Variants in COL5A2 observed in about 807,000 individuals in gnomAD.
The protein encoded by COL5A2 is collagen type V alpha 2 chain.
COL5A2 carries 23 observed loss-of-function variants against 208.2 expected under a neutral mutation model. That is an observed-to-expected ratio of 0.11 (90% CI 0.08 to 0.16). The LOEUF is 0.16. COL5A2 is among the 10% of genes least tolerant of loss of function. The pLI, the probability that COL5A2 is intolerant of heterozygous loss-of-function variation, is 1.00. For synonymous variants in COL5A2, 625 were observed against 628.5 expected (o/e 0.99, Z 0.08); for missense variants, 1,590 against 1,956.4 (o/e 0.81, Z 3.53).
At chr2:189,224,651 T>C (rs1430618169) in intron 1 of COL5A2, among the ~76,000 whole-genome samples, 1 of 152,012 alleles carries the variant, frequency 6.6e-6, no homozygotes, top group Admixed American at 6.6e-5. Context: ...AACATGCCAC[T>C]GCACTCCAGT....
At chr2:189,191,439 G>A (rs1391616922) in intron 1 of COL5A2, among the ~76,000 whole-genome samples, 3 of 152,030 alleles carry the variant, frequency 2.0e-5, no homozygotes, top group South Asian at 2.1e-4. Context: ...TCAGGAGTTC[G>A]CGACCAGCCT....
chr2:189,183,835 CTTG>C (rs1576578849), upstream of COL5A2, among the ~76,000 whole-genome samples: 2 of 152,272 alleles, frequency 1.3e-5, no homozygotes, highest in Admixed American at 6.5e-5. Context: ...CTGCTTTCCT[CTTG>C]TTGTTTTATC....
chr2:189,314,578 C>A, the COL5A2 span, among the ~76,000 whole-genome samples: 1 of 152,014 alleles, frequency 6.6e-6, no homozygotes, highest in East Asian at 1.9e-4. Flanking sequence ...CAAGAAATAA[C>A]CAAAAACACA....
At chr2:189,095,759 CTT>C (rs113567246) in intron 6 of COL5A2, 4 of 145,252 alleles carry the variant, frequency 2.8e-5, no homozygotes, top group Admixed American at 6.9e-5. Context: ...AATGCAAAAT[CTT>C]TTTTTTTTTT....
At chr2:189,244,232 T>C in the COL5A2 span, among the ~76,000 whole-genome samples, 2 of 152,212 alleles carry the variant, frequency 1.3e-5, no homozygotes, top group African/African-American at 4.8e-5. Flanking sequence ...GAAAATGGGA[T>C]TTTCTTTTCT....
At chr2:189,144,845 A>G (rs1422250049) in intron 1 of COL5A2, among the ~76,000 whole-genome samples, 1 of 152,124 alleles carries the variant, frequency 6.6e-6, no homozygotes, top group African/African-American at 2.4e-5. Context: ...GTGGGAACAG[A>G]TGCTTCATAT....
intron 41 of COL5A2, 133 bp from the exon 42 acceptor site, chr2:189,051,614 C>T: frequency 2.8e-6 from 2 of 713,328 alleles, no homozygotes; most frequent in Admixed American, 7.0e-5. Context: ...GATAATCAGT[C>T]ATTCTATAGG....
At chr2:189,084,086 G>C in intron 11 of COL5A2, 49 bp from the exon 12 acceptor site, 2 of 1,272,870 alleles carry the variant, frequency 1.6e-6, no homozygotes, top group South Asian at 2.4e-5. Flanking sequence ...GTGATTAAAA[G>C]GTTCTTCTCT....
At chr2:189,118,195 T>C (rs1026291169) in intron 1 of COL5A2, among the ~76,000 whole-genome samples, 1 of 151,974 alleles carries the variant, frequency 6.6e-6, no homozygotes, top group Non-Finnish European at 1.5e-5. Context: ...CCATGAATTA[T>C]AGGAATATGA....
At chr2:189,241,294 T>C in the COL5A2 span, among the ~76,000 whole-genome samples, 5 of 152,142 alleles carry the variant, frequency 3.3e-5, no homozygotes, top group African/African-American at 1.2e-4. Flanking sequence ...ATTCACTATT[T>C]AGGCAATGGG....
At chr2:189,430,611 CA>C in the COL5A2 span, among the ~76,000 whole-genome samples, 1 of 152,216 alleles carries the variant, frequency 6.6e-6, no homozygotes, top group Non-Finnish European at 1.5e-5. Flanking sequence ...AGTCTGAGAT[CA>C]AACTCAGCCT....
At chr2:189,081,634 T>C (rs1259303549) in intron 12 of COL5A2, among the ~76,000 whole-genome samples, 1 of 152,154 alleles carries the variant, frequency 6.6e-6, no homozygotes, top group African/African-American at 2.4e-5. Context: ...GGATTTATGA[T>C]TATTTAAAAA....
the COL5A2 span, among the ~76,000 whole-genome samples, chr2:189,338,135 C>A: frequency 6.6e-6 from 1 of 152,162 alleles, no homozygotes; most frequent in South Asian, 2.1e-4. Flanking sequence ...ATATTACAAA[C>A]GTAGCAACTT....
chr2:189,359,478 T>C, the COL5A2 span, among the ~76,000 whole-genome samples: 1 of 152,182 alleles, frequency 6.6e-6, no homozygotes, highest in Non-Finnish European at 1.5e-5. Context: ...TTTGTTAGTA[T>C]TTTGTTGATT....
At chr2:189,171,798 C>T (rs1192797353) in intron 1 of COL5A2, among the ~76,000 whole-genome samples, 3 of 152,130 alleles carry the variant, frequency 2.0e-5, no homozygotes, top group Non-Finnish European at 4.4e-5. Context: ...AAACAAAACC[C>T]TTAATTCTAG....
chr2:189,235,183 C>A, the COL5A2 span, among the ~76,000 whole-genome samples: 3 of 151,576 alleles, frequency 2.0e-5, no homozygotes, highest in Non-Finnish European at 4.4e-5. Context: ...CTGGAGAGGG[C>A]AGGGCTACAT....
chr2:189,187,140 A>G (rs1326232652), intron 1 of COL5A2, among the ~76,000 whole-genome samples: 1 of 152,172 alleles, frequency 6.6e-6, no homozygotes, highest in East Asian at 1.9e-4. Flanking sequence ...TTTACACACT[A>G]TTCCAGCTCA....
At chr2:189,374,545 TA>T in the COL5A2 span, among the ~76,000 whole-genome samples, 1 of 152,156 alleles carries the variant, frequency 6.6e-6, no homozygotes, top group Non-Finnish European at 1.5e-5. Context: ...ATGCATTGCT[TA>T]AAAAATTATC....
chr2:189,244,031 C>G, the COL5A2 span, among the ~76,000 whole-genome samples: 1 of 152,204 alleles, frequency 6.6e-6, no homozygotes, highest in Non-Finnish European at 1.5e-5. Flanking sequence ...CTAGGCTGCA[C>G]ACAGCATGGG....
Sources: gnomAD v4.1 joint callset for allele counts (sites outside exome capture counted in the v4.1 genomes callset) on GRCh38, gnomAD v4.1.1 for gene constraint, MANE v1.5 for transcripts, NCBI Gene and HGNC (gene_info 2026-07-23, HGNC 2026-07-21) for gene names.